Variants in ARL17B observed in about 807,000 individuals in gnomAD.
ARL17B encodes ADP-ribosylation factor-like protein 17.
intron 3 of ARL17B, among the ~76,000 whole-genome samples, chr17:46,340,217 T>C (rs2052474670): frequency 1.3e-5 from 1 of 79,890 alleles, no homozygotes; most frequent in African/African-American, 3.5e-5. Flanking sequence ...TTTTTTTTTC[T>C]TTTTTTTTTT....
At chr17:46,356,086 GCAT>G (rs1207887773) in intron 2 of ARL17B, among the ~76,000 whole-genome samples, 32 of 122,502 alleles carry the variant, frequency 2.6e-4, no homozygotes, top group African/African-American at 1.1e-3. Context: ...GATTACAGGT[GCAT>G]GCCACTACTA....
intron 4 of ARL17B, among the ~76,000 whole-genome samples, chr17:46,282,038 T>A (rs955974945): frequency 1.3e-5 from 2 of 152,212 alleles, no homozygotes; most frequent in African/African-American, 4.8e-5. Flanking sequence ...ATTTATTTTT[T>A]AATTCCTTTG....
intron 4 of ARL17B, among the ~76,000 whole-genome samples, chr17:46,286,381 C>A (rs904798176): frequency 3.9e-5 from 6 of 152,220 alleles, no homozygotes; most frequent in African/African-American, 1.4e-4. Context: ...AATCTTTCAA[C>A]TAGTACTGTA....
At position 46,292,446 on chromosome 17, in the gene ARL17B, G is replaced by C. The variant is rs533081956; in HGVS notation, c.*21+7080C>G. The stretch of plus-strand genomic sequence containing the variant: ...TGGAGGATAATTTGTTTCATTCTCA[G>C]GAAAATGTGAAACTCTGAAACTGCT... On this transcript the variant is annotated intron_variant, in intron 4 of 4. Coordinates refer to the ARL17B transcript ENST00000570618. Among the ~76,000 whole-genome samples, 7 of 81,112 alleles carry C rather than the reference G, an allele frequency of 8.6e-5. 2 individuals are homozygous for C. The South Asian group carries it at 3.9e-3, about 45-fold the overall frequency. The allele number at this position is 81,112 out of a possible 152,430, so 53.2% of individuals were successfully genotyped here.
intron 4 of ARL17B, among the ~76,000 whole-genome samples, chr17:46,279,166 T>C (rs1258779292): frequency 3.3e-5 from 5 of 151,706 alleles, no homozygotes; most frequent in Non-Finnish European, 7.4e-5. Context: ...CCTTTGCTAA[T>C]AAGGCATTCT....
At chr17:46,275,390 C>A in exon 5 of ARL17B, 1 of 1,004,614 alleles carries the variant, frequency 1.0e-6, no homozygotes, top group South Asian at 1.3e-5. Flanking sequence ...CTTTAGGAAG[C>A]TGTAGACTGC....
intron 3 of ARL17B, among the ~76,000 whole-genome samples, chr17:46,300,165 G>A (rs1163882851): frequency 1.1e-4 from 6 of 53,746 alleles, no homozygotes; most frequent in African/African-American, 2.6e-4. Flanking sequence ...CTGGGCTGCA[G>A]TGCAGTGGCA....
chr17:46,284,921 G>A (rs1389003097), intron 4 of ARL17B, among the ~76,000 whole-genome samples: 1 of 152,242 alleles, frequency 6.6e-6, no homozygotes, highest in Non-Finnish European at 1.5e-5. Context: ...CCAGGCTGGA[G>A]TGGAGTGGCA....
At chr17:46,284,839 A>G (rs532046335) in intron 4 of ARL17B, among the ~76,000 whole-genome samples, 1 of 152,226 alleles carries the variant, frequency 6.6e-6, no homozygotes, top group African/African-American at 2.4e-5. Flanking sequence ...AAAATAGAAG[A>G]AAGTTTCAAT....
downstream of ARL17B, among the ~76,000 whole-genome samples, chr17:46,333,342 C>T (rs531855503): frequency 2.0e-5 from 1 of 50,572 alleles, no homozygotes; most frequent in South Asian, 1.0e-3. Flanking sequence ...GCTCAGCTTG[C>T]ATCAACTTAC....
At chr17:46,279,510 T>C (rs1170170954) in intron 4 of ARL17B, among the ~76,000 whole-genome samples, 2 of 150,088 alleles carry the variant, frequency 1.3e-5, no homozygotes, top group Admixed American at 6.6e-5. Flanking sequence ...CTTTTTTTTT[T>C]TTTTTTTTTG....
chr17:46,279,516 T>A (rs1449861572), intron 4 of ARL17B, among the ~76,000 whole-genome samples: 2 of 150,590 alleles, frequency 1.3e-5, no homozygotes, highest in African/African-American at 4.9e-5. Flanking sequence ...TTTTTTTTTT[T>A]TTTGAGATAG....
chr17:46,283,890 A>C (rs1195641133), intron 4 of ARL17B, among the ~76,000 whole-genome samples: 1 of 152,266 alleles, frequency 6.6e-6, no homozygotes, highest in Admixed American at 6.5e-5. Flanking sequence ...AGGTCTCTGC[A>C]TCATAGACAA....
exon 5 of ARL17B, chr17:46,275,181 C>A: frequency 3.2e-6 from 1 of 313,122 alleles, no homozygotes; most frequent in Non-Finnish European, 5.6e-6. Flanking sequence ...CGTGAGCCAC[C>A]GCACCTGGCA....
At chr17:46,281,859 G>C (rs1244318746) in intron 4 of ARL17B, among the ~76,000 whole-genome samples, 4 of 152,088 alleles carry the variant, frequency 2.6e-5, no homozygotes, top group Non-Finnish European at 5.9e-5. Flanking sequence ...GGCCAGGCTG[G>C]TCTCAAACTC....
chr17:46,285,637 G>A (rs1456532741), intron 4 of ARL17B, among the ~76,000 whole-genome samples: 1 of 152,188 alleles, frequency 6.6e-6, no homozygotes, highest in African/African-American at 2.4e-5. Context: ...AAAATAAAAT[G>A]TATAAAGAAG....
chr17:46,279,092 C>T (rs1225623175), intron 4 of ARL17B, among the ~76,000 whole-genome samples: 1 of 152,160 alleles, frequency 6.6e-6, no homozygotes, highest in Non-Finnish European at 1.5e-5. Flanking sequence ...GCCACTGTTC[C>T]TGGCCCAATG....
chr17:46,280,704 G>C (rs1246356805), intron 4 of ARL17B, among the ~76,000 whole-genome samples: 2 of 151,726 alleles, frequency 1.3e-5, no homozygotes, highest in African/African-American at 4.8e-5. Flanking sequence ...CTCCTGTGTG[G>C]CTGGGACTAC....
chr17:46,327,162 A>C lies in ARL17B; in HGVS notation c.259+25658T>G, dbSNP rs530979789. Among the ~76,000 whole-genome samples the C allele has an allele frequency of 7.5e-4, 64 of 85,266 alleles. 2 individuals carry two copies. Among genetic ancestry groups the C allele is most frequent in the African/African-American group, 1.9e-3 (61 of 31,872 alleles). 55.9% of individuals were successfully genotyped at this position (85,266 alleles called of 152,430 possible). ...TGTCTGTTTCCTCATGATGAAATTC[A>C]AGTTAAGCATTTTTGGGAAAAATAC... On this transcript the variant is annotated intron_variant, in intron 3 of 4. Coordinates refer to the ARL17B transcript ENST00000434041.
Sources: allele counts gnomAD v4.1 joint callset (sites outside exome capture counted in the v4.1 genomes callset), GRCh38; gene constraint gnomAD v4.1.1; transcripts MANE v1.5; gene names NCBI Gene and HGNC (gene_info 2026-07-23, HGNC 2026-07-21).